ACTR3C: variants seen among roughly 807,000 people sequenced by gnomAD.
The protein encoded by ACTR3C is actin-related protein 3C.
ACTR3C carries 18 observed loss-of-function variants against 26.3 expected under a neutral mutation model. The observed-to-expected ratio is 0.68, with a 90% CI of 0.47 to 1.01. ACTR3C has a LOEUF of 1.01. Among genes scored for constraint, ACTR3C ranks in the 50% least tolerant of loss-of-function variants. The pLI, the probability that ACTR3C is intolerant of heterozygous loss-of-function variation, is 0.00. For synonymous variants in ACTR3C, 55 were observed against 94.5 expected, an observed-to-expected ratio of 0.58 and a Z score of 2.42; for missense variants, 184 against 250.7, an observed-to-expected ratio of 0.73 and a Z score of 1.80.
the ACTR3C span, among the ~76,000 whole-genome samples, chr7:150,137,975 A>G: frequency 1.3e-5 from 2 of 152,362 alleles, no homozygotes. Flanking sequence ...TGATAGTACC[A>G]GTAACCAAGA....
the ACTR3C span, among the ~76,000 whole-genome samples, chr7:150,238,108 G>A: frequency 6.7e-6 from 1 of 149,182 alleles, no homozygotes; most frequent in Non-Finnish European, 1.5e-5. Context: ...TGAGACATAC[G>A]CTAACAACCA....
chr7:150,242,584 G>A (rs375230003), downstream of ACTR3C, among the ~76,000 whole-genome samples: 9 of 152,066 alleles, frequency 5.9e-5, 1 homozygote, highest in Non-Finnish European at 1.3e-4. Flanking sequence ...TACTGGCATC[G>A]AATGATACCT....
the ACTR3C span, among the ~76,000 whole-genome samples, chr7:149,959,431 A>AAGACATTT: frequency 1.3e-5 from 2 of 152,042 alleles, no homozygotes; most frequent in East Asian, 3.9e-4. Context: ...GTATGGGGGG[A>AAGACATTT]AGACATTTAC....
At chr7:150,124,691 A>G in the ACTR3C span, among the ~76,000 whole-genome samples, 1 of 152,082 alleles carries the variant, frequency 6.6e-6, no homozygotes, top group Non-Finnish European at 1.5e-5. Flanking sequence ...TCAGGTTTGC[A>G]GTTCACCCTC....
chr7:150,037,031 G>A, the ACTR3C span, among the ~76,000 whole-genome samples: 765 of 74,006 alleles, frequency 0.01, 16 homozygotes, highest in African/African-American at 0.028. Context: ...AGCCAGGGGC[G>A]GAAGAGGGGA....
the ACTR3C span, among the ~76,000 whole-genome samples, chr7:150,164,981 C>T: frequency 6.6e-6 from 1 of 152,132 alleles, no homozygotes; most frequent in East Asian, 1.9e-4. Context: ...CCCTCTGTGG[C>T]GGATTGTTAT....
chr7:150,322,030 G>A (rs1486631897), intron 1 of ACTR3C, among the ~76,000 whole-genome samples: 1 of 152,244 alleles, frequency 6.6e-6, no homozygotes, highest in Non-Finnish European at 1.5e-5. Flanking sequence ...TGGTGCACAT[G>A]TGGAACCAAC....
chr7:150,177,830 G>A, the ACTR3C span, among the ~76,000 whole-genome samples: 1 of 150,818 alleles, frequency 6.6e-6, no homozygotes, highest in African/African-American at 2.5e-5. Flanking sequence ...GTTGTGCAAA[G>A]TCATTTTCAT....
intron 6 of ACTR3C, among the ~76,000 whole-genome samples, chr7:150,271,477 T>C (rs1471290146): frequency 6.6e-6 from 1 of 151,042 alleles, no homozygotes; most frequent in Non-Finnish European, 1.5e-5. Flanking sequence ...AGAATGATGG[T>C]TTCCAGCTTC....
chr7:150,011,974 A>G, the ACTR3C span, among the ~76,000 whole-genome samples: 1 of 152,272 alleles, frequency 6.6e-6, no homozygotes, highest in South Asian at 2.1e-4. Context: ...ATTGAGTACA[A>G]GAGGCGAGAG....
At chr7:150,123,893 C>T in the ACTR3C span, among the ~76,000 whole-genome samples, 2 of 152,142 alleles carry the variant, frequency 1.3e-5, no homozygotes, top group Non-Finnish European at 2.9e-5. Context: ...TTCCAGGCCA[C>T]GGAGCCACGT....
the ACTR3C span, among the ~76,000 whole-genome samples, chr7:150,196,508 C>T: frequency 2.0e-5 from 3 of 152,228 alleles, no homozygotes; most frequent in Non-Finnish European, 1.5e-5. Context: ...CTTTTCCATT[C>T]ATGCCTGTAA....
chr7:149,968,672 T>A, the ACTR3C span, among the ~76,000 whole-genome samples: 1 of 152,184 alleles, frequency 6.6e-6, no homozygotes, highest in Admixed American at 6.5e-5. Flanking sequence ...TTTCAAAAAA[T>A]TTTGTTTTAG....
At chr7:150,025,368 A>G in the ACTR3C span, among the ~76,000 whole-genome samples, 3 of 151,982 alleles carry the variant, frequency 2.0e-5, no homozygotes, top group African/African-American at 7.3e-5. Context: ...GATGAAAATT[A>G]TTAGCTACTA....
intron 6 of ACTR3C, among the ~76,000 whole-genome samples, chr7:150,263,787 C>A (rs1203825090): frequency 1.3e-5 from 2 of 152,242 alleles, no homozygotes; most frequent in African/African-American, 2.4e-5. Context: ...GAGCTACTTT[C>A]TCAATCATTT....
At chr7:150,185,618 C>T in the ACTR3C span, among the ~76,000 whole-genome samples, 1 of 151,872 alleles carries the variant, frequency 6.6e-6, no homozygotes, top group Non-Finnish European at 1.5e-5. Flanking sequence ...CATCACCAAT[C>T]ACCATCCATC....
At chr7:150,019,627 A>G in the ACTR3C span, among the ~76,000 whole-genome samples, 1 of 140,550 alleles carries the variant, frequency 7.1e-6, no homozygotes, top group Non-Finnish European at 1.6e-5. Context: ...TAATAATAAT[A>G]ATAATAAAAT....
At chr7:150,254,029 C>T (rs1042769674) in intron 6 of ACTR3C, among the ~76,000 whole-genome samples, 32 of 152,228 alleles carry the variant, frequency 2.1e-4, no homozygotes, top group Non-Finnish European at 1.3e-4. Context: ...TTTGACTATT[C>T]CCTAATGTTC....
the ACTR3C span, among the ~76,000 whole-genome samples, chr7:149,977,611 C>T: frequency 1.3e-5 from 2 of 152,164 alleles, no homozygotes; most frequent in African/African-American, 4.8e-5. Context: ...GCATAATGGC[C>T]CCTCCTTCAT....
Sources: allele counts gnomAD v4.1 joint callset (sites outside exome capture counted in the v4.1 genomes callset), GRCh38; gene constraint gnomAD v4.1.1; transcripts MANE v1.5; gene names NCBI Gene and HGNC (gene_info 2026-07-23, HGNC 2026-07-21).